ANXA6: variants seen among roughly 807,000 people sequenced by gnomAD.
The protein encoded by ANXA6 is 67 kDa calelectrin.
Under a neutral mutation model 95.4 loss-of-function variants are expected in ANXA6, and 71 were observed. The ratio of observed to expected loss-of-function variants is 0.74; its 90% CI spans 0.61 to 0.91. ANXA6 has a LOEUF of 0.91. Ranked by LOEUF, ANXA6 falls within the 40% of genes least tolerant of loss-of-function variation. The pLI, the probability that ANXA6 is intolerant of heterozygous loss-of-function variation, is 0.00. For missense variants in ANXA6, 830 were observed against 876.4 expected, an observed-to-expected ratio of 0.95 and a Z score of 0.67; for synonymous variants, 289 against 315.9, an observed-to-expected ratio of 0.91 and a Z score of 0.90.
At chr5:151,118,068 C>A (rs1391089364) in intron 18 of ANXA6, among the ~76,000 whole-genome samples, 1 of 152,254 alleles carries the variant, frequency 6.6e-6, no homozygotes, top group East Asian at 1.9e-4. Flanking sequence ...TCAGCTCTGT[C>A]CCAGTTGAGG....
intron 20 of ANXA6, among the ~76,000 whole-genome samples, chr5:151,112,987 G>A (rs79427955): frequency 0.01 from 1,597 of 152,298 alleles, 23 homozygotes; most frequent in East Asian, 0.068. Context: ...GGGAGAATGG[G>A]GAGTGACTGT....
At chr5:151,117,255 G>C (rs561542947) in intron 19 of ANXA6, 75 bp from the exon 20 acceptor site, 1 of 1,401,224 alleles carries the variant, frequency 7.1e-7, no homozygotes. Context: ...CACACACCCT[G>C]CTCATTTTCA....
At chr5:151,119,474 A>C (rs1765101181) in intron 17 of ANXA6, 84 bp from the exon 18 acceptor site, 4 of 1,187,798 alleles carry the variant, frequency 3.4e-6, no homozygotes, top group Non-Finnish European at 5.0e-6. Context: ...GCTAAAGCTC[A>C]GGCCAAGCAT....
rs759706762 is a variant in ANXA6, at chr5:151,124,384, G to A, written c.1057-17C>T. ...TCCCTTCAGCTGTGAGAAGCAGAAA[G>A]AGACTCAGCAGGTGTCTGAAGGCCC... On this transcript the variant is annotated splice_polypyrimidine_tract_variant and intron_variant, in intron 14 of 25. Transcript: ENST00000354546. 1.9e-6 allele frequency: 3 copies of A among 1,602,616 alleles called. No homozygotes were observed. The highest frequency in any genetic ancestry group is 2.7e-5 in the African/African-American group (2 of 74,782).
rs771610573 is a variant in ANXA6 at position 151,105,268 on chromosome 5, C to A, written c.1816G>T (p.Asp606Tyr). 3 of 1,613,888 alleles carry A rather than the reference C, an allele frequency of 1.9e-6. No homozygotes were observed. Among genetic ancestry groups the A allele is most frequent in the South Asian group, 1.1e-5 (1 of 91,056 alleles). Reference protein sequence around the residue: ...SVKNKPLFFADKLYKSMKGAG... With the variant: ...SVKNKPLFFAYKLYKSMKGAG... Reference sequence around the variant, plus strand: ...ACCTTCATGGATTTGTAAAGTTTGTCGGCAAAGAAGAGAGGCTTGTTCTTG... The same window carrying A: ...ACCTTCATGGATTTGTAAAGTTTGTAGGCAAAGAAGAGAGGCTTGTTCTTG... Residue 606 changes from aspartate (D) to tyrosine (Y), a missense_variant, in exon 24 of 26, where the codon GAC (aspartate) becomes TAC (tyrosine). Transcript: ENST00000354546.
At chr5:151,115,669 T>C (rs755889573) in intron 20 of ANXA6, among the ~76,000 whole-genome samples, 14 of 152,326 alleles carry the variant, frequency 9.2e-5, no homozygotes, top group Non-Finnish European at 1.8e-4. Context: ...GTCTGTTGAA[T>C]GAGTGAATGA....
chr5:151,136,125 A>G (rs1765652113), intron 7 of ANXA6, 131 bp downstream of exon 7: 2 of 754,096 alleles, frequency 2.7e-6, no homozygotes, highest in Non-Finnish European at 4.3e-6. Context: ...GAGAAAGAGG[A>G]TTAGCCAAAT....
Position 151,105,237 on chromosome 5 carries a change from T to C in ANXA6, c.1839+8A>G. The C allele has an allele frequency of 6.2e-7, 1 of 1,613,504 alleles. No homozygotes were observed. On this transcript the variant is annotated splice_region_variant and intron_variant, in intron 24 of 25. Transcript: ENST00000354546. Reference sequence around the variant, plus strand: ...TGAAGGGAAAGGAACGCCAGCATGTTTTCTTACCTTCATGGATTTGTAAAG... The same window carrying C: ...TGAAGGGAAAGGAACGCCAGCATGTCTTCTTACCTTCATGGATTTGTAAAG...
At chr5:151,121,457 C>T (rs776903603) in intron 17 of ANXA6, among the ~76,000 whole-genome samples, 1 of 151,342 alleles carries the variant, frequency 6.6e-6, no homozygotes, top group Non-Finnish European at 1.5e-5. Flanking sequence ...AACTTCTGGG[C>T]CAGGACATAA....
At position 151,129,491 on chromosome 5, in the gene ANXA6, C is replaced by T. The variant is rs200380149; in HGVS notation, c.834G>A (p.Met278Ile). 1 of 1,611,130 alleles carries T rather than the reference C, an allele frequency of 6.2e-7. No homozygotes were observed. Among genetic ancestry groups the T allele is most frequent in the African/African-American group, 1.3e-5 (1 of 74,870 alleles). Residue 278 changes from methionine (M) to isoleucine (I), a missense_variant, in exon 12 of 26, where the codon ATG becomes ATA. Met to Ile is a conservative substitution (Grantham distance 10). Coordinates refer to ENST00000354546, the MANE Select transcript of ANXA6 (RefSeq NM_001155.5). ...GTRDNTLIRI[M>I]VSRSELDMLD... The stretch of plus-strand genomic sequence containing the variant: ...GCATGTCCAACTCACTACGGGAGAC[C>T]ATGATGCGGATCAGGGTGTTGTCCC...
intron 23 of ANXA6, among the ~76,000 whole-genome samples, chr5:151,107,967 G>T (rs892690724): frequency 6.6e-6 from 1 of 151,530 alleles, no homozygotes; most frequent in Non-Finnish European, 1.5e-5. Flanking sequence ...GTGTGTGTAG[G>T]TGTAGTGTCT....
Position 151,147,917 on chromosome 5 carries a change from G to T in ANXA6, c.-16C>A, listed in dbSNP as rs771868054. The T allele has an allele frequency of 6.2e-7, 1 of 1,603,958 alleles. No homozygotes were observed. Among genetic ancestry groups the T allele is most frequent in the South Asian group, 1.1e-5 (1 of 89,196 alleles). On this transcript the variant is annotated 5_prime_UTR_variant, in exon 2 of 26. The change creates a new upstream start codon in the 5' untranslated region. Transcript: ENST00000354546. Reference sequence around the variant, plus strand: ...GTTTGGCCATGGTCTCCGGTTCGCAGCAGAATCCACTGTAGAGAAGAAAGA... The same window carrying T: ...GTTTGGCCATGGTCTCCGGTTCGCATCAGAATCCACTGTAGAGAAGAAAGA...
At chr5:151,139,232 A>T in intron 4 of ANXA6, 121 bp downstream of exon 4, 1 of 679,646 alleles carries the variant, frequency 1.5e-6, no homozygotes, top group Non-Finnish European at 2.5e-6. Flanking sequence ...GAGCAGGGTA[A>T]GGTGTCAGCC....
chr5:151,150,364 T>C (rs1047581566), intron 1 of ANXA6, among the ~76,000 whole-genome samples: 14 of 152,252 alleles, frequency 9.2e-5, no homozygotes, highest in South Asian at 6.2e-4. Flanking sequence ...TTCTGCTTTG[T>C]AGGGTTGTTG....
intron 20 of ANXA6, 151 bp downstream of exon 20, chr5:151,116,976 T>C (rs868022747): frequency 2.2e-5 from 12 of 540,486 alleles, no homozygotes; most frequent in Non-Finnish European, 3.3e-5. Flanking sequence ...CTAAACCTCA[T>C]TTCTACAGTC....
At chr5:151,121,713 C>A (rs988109807) in intron 17 of ANXA6, among the ~76,000 whole-genome samples, 4 of 152,188 alleles carry the variant, frequency 2.6e-5, no homozygotes, top group African/African-American at 9.7e-5. Flanking sequence ...CTTCCTCCAG[C>A]GGCTCCATGA....
chr5:151,120,438 C>T (rs1277787891), intron 17 of ANXA6, among the ~76,000 whole-genome samples: 5 of 147,946 alleles, frequency 3.4e-5, no homozygotes, highest in East Asian at 4.0e-4. Context: ...AAAAAAAGTC[C>T]GGGCGTGGTG....
intron 11 of ANXA6, 50 bp downstream of exon 11, chr5:151,131,181 T>C (rs1159112810): frequency 3.1e-6 from 5 of 1,594,778 alleles, no homozygotes; most frequent in Non-Finnish European, 4.3e-6. Context: ...TGTCAAAGAC[T>C]CCCAATAGTC....
At chr5:151,129,377 C>T (rs750858877) in intron 12 of ANXA6, 30 bp downstream of exon 12, 13 of 1,611,472 alleles carry the variant, frequency 8.1e-6, no homozygotes, top group Non-Finnish European at 1.1e-5. Flanking sequence ...GCTCTTTGCT[C>T]CCTTCTCTGC....
Sources: gnomAD v4.1 joint callset for allele counts (sites outside exome capture counted in the v4.1 genomes callset) on GRCh38, gnomAD v4.1.1 for gene constraint, MANE v1.5 for transcripts, NCBI Gene and HGNC (gene_info 2026-07-23, HGNC 2026-07-21) for gene names.